Variants in HEATR1 observed in about 807,000 individuals in gnomAD.
The protein encoded by HEATR1 is HEAT repeat containing 1.
HEATR1 carries 77 observed loss-of-function variants against 248.2 expected under a neutral mutation model. The ratio of observed to expected loss-of-function variants is 0.31; its 90% CI spans 0.26 to 0.37. The LOEUF is 0.37. Among genes scored for constraint, HEATR1 ranks in the 10% least tolerant of loss-of-function variants. The pLI, the probability that HEATR1 is intolerant of heterozygous loss-of-function variation, is 1.00. For synonymous variants in HEATR1, 897 were observed against 923.1 expected (o/e 0.97, Z 0.51); for missense variants, 2,420 against 2,504.9 (o/e 0.97, Z 0.72).
At chr1:236,570,632 TG>T (rs1442899876) in intron 28 of HEATR1, among the ~76,000 whole-genome samples, 1 of 152,176 alleles carries the variant, frequency 6.6e-6, no homozygotes, top group Non-Finnish European at 1.5e-5. Flanking sequence ...ATACTTTAAA[TG>T]GGTGAATTTT....
At position 236,590,835 on chromosome 1, in the gene HEATR1, T is replaced by C; in HGVS notation, c.1530+12A>G. 7.1e-7 allele frequency: 1 copy of C among 1,405,270 alleles called. No individual in the cohort carries two copies. 87.1% of individuals were successfully genotyped at this position (1,405,270 alleles called of 1,614,324 possible). A position where few individuals can be genotyped will look rare whatever the true frequency, so the allele number is the denominator to read the frequency against. On this transcript the variant is annotated intron_variant, in intron 12 of 44. Transcript: ENST00000366582. ...AAAAAAAAACCATATAAAAAAGCGA[T>C]CTGAAACAAACCTTTGATGTTTTCA...
At chr1:236,570,745 A>T (rs183422163) in intron 28 of HEATR1, among the ~76,000 whole-genome samples, 34 of 152,246 alleles carry the variant, frequency 2.2e-4, no homozygotes, top group African/African-American at 6.7e-4. Flanking sequence ...CTCTCTTACA[A>T]GAAAAAAAGA....
chr1:236,572,713 T>C lies in HEATR1; in HGVS notation c.3563+12A>G, dbSNP rs1161121021. ...AACAACAGCATGTGCTCAATGCATT[T>C]GTAGCTCTTACTTCTGCTGCATTTT... On this transcript the variant is annotated intron_variant, in intron 25 of 44. Transcript: ENST00000366582. 1.2e-6 allele frequency: 2 copies of C among 1,611,986 alleles called. No individual in the cohort carries two copies. Among genetic ancestry groups the C allele is most frequent in the South Asian group, 1.1e-5 (1 of 91,022 alleles).
intron 3 of HEATR1, among the ~76,000 whole-genome samples, chr1:236,601,303 G>A (rs77981511): frequency 6.6e-6 from 1 of 151,140 alleles, no homozygotes; most frequent in Non-Finnish European, 1.5e-5. Flanking sequence ...CTGGAGTGCA[G>A]TGGCGTGATC....
chr1:236,594,186 T>C (rs1412787520), intron 8 of HEATR1, 72 bp from the exon 9 acceptor site: 15 of 972,148 alleles, frequency 1.5e-5, no homozygotes, highest in Admixed American at 6.9e-5. Flanking sequence ...AATTCACTTA[T>C]AGCAGAAAAT....
At chr1:236,555,255 C>A in intron 41 of HEATR1, 41 bp downstream of exon 41, 1 of 1,599,858 alleles carries the variant, frequency 6.3e-7, no homozygotes. Flanking sequence ...GTATAAGGCA[C>A]ACAGGGCAAG....
Position 236,585,848 on chromosome 1 carries a change from A to G in HEATR1, c.2021T>C (p.Leu674Ser). 3 of 1,612,942 alleles carry G rather than the reference A, an allele frequency of 1.9e-6. No homozygotes were observed. The highest frequency in any genetic ancestry group is 2.5e-6 in the Non-Finnish European group (3 of 1,179,104). Residue 674 changes from leucine (L) to serine (S), a missense_variant, in exon 16 of 45, where the codon TTA (leucine) becomes TCA (serine). By Grantham distance (145) the Leu-to-Ser change is moderately radical (BLOSUM62 -2). Coordinates refer to ENST00000366582, the MANE Select transcript of HEATR1 (RefSeq NM_018072.6). The part of the protein sequence containing the change: ...MIELLADNIN[L>S]GDPSSMLKMV... Reference sequence around the variant, plus strand: ...CTTTAACATTGAAGAAGGATCTCCTAAATTTATATTATCAGCCAACAACTC... The same window carrying G: ...CTTTAACATTGAAGAAGGATCTCCTGAATTTATATTATCAGCCAACAACTC...
At chr1:236,572,852 T>C in intron 24 of HEATR1, 24 bp from the exon 25 acceptor site, 2 of 1,578,380 alleles carry the variant, frequency 1.3e-6, no homozygotes, top group Non-Finnish European at 1.7e-6. Context: ...GGAAGAAGAG[T>C]TGATGATATA....
rs1196551815 is a variant in HEATR1 at position 236,581,275 on chromosome 1, A to G, written c.2702T>C (p.Leu901Pro). The change falls in exon 20 of 45, where the codon CTT becomes CCT. Residue 901 changes from leucine to proline, a missense_variant. Transcript: ENST00000366582. ...TTTACACTGTGTCTTCTGAGAAGAA[A>G]GCATTGCACAGCCCACATAAAGAGC... Reference protein sequence around the residue: ...TQALYVGCAMLSSQKTQCKHQ... With the variant: ...TQALYVGCAMPSSQKTQCKHQ... The G allele has an allele frequency of 1.1e-5, 18 of 1,613,898 alleles. No homozygotes were observed. The highest frequency in any genetic ancestry group is 1.7e-5 in the Admixed American group (1 of 59,970).
rs765950856 is a variant in HEATR1, at chr1:236,594,068, T to A, written c.1137A>T (p.Leu379Phe). The change falls in exon 9 of 45, where the codon TTA (leucine) becomes TTT (phenylalanine). Residue 379 changes from leucine (L) to phenylalanine (F), a missense_variant. Coordinates refer to ENST00000366582, the MANE Select transcript of HEATR1 (RefSeq NM_018072.6). ...GTGATATTTTTGTAAGTATAGCTTC[T>A]AAGTGTCTCTTGTAGATTTGACCAT... ...GMDGQIYKRH[L>F]EAILTKISLK... is the part of the protein sequence containing the mutation. The A allele has an allele frequency of 6.2e-7, 1 of 1,602,274 alleles. No individual in the cohort carries two copies. Among genetic ancestry groups the A allele is most frequent in the East Asian group, 2.3e-5 (1 of 43,984 alleles).
Position 236,603,298 on chromosome 1 carries a change from G to C in HEATR1, c.221C>G (p.Ala74Gly). The C allele has an allele frequency of 6.2e-7, 1 of 1,614,144 alleles. No individual in the cohort carries two copies. Among genetic ancestry groups the C allele is most frequent in the Non-Finnish European group, 8.5e-7 (1 of 1,179,998 alleles). ...CTGAACACTTCGCTCCAAGGTTTTT[G>C]CTAGCTGACTGAACAACGGTGCTTC... is the stretch of plus-strand genomic sequence containing the variant. ...QFEAPLFSQLAKTLERSVQTK... is the reference protein window; with the variant it reads ...QFEAPLFSQLGKTLERSVQTK... The change falls in exon 3 of 45, where the codon GCA becomes GGA. Residue 74 changes from alanine to glycine, a missense_variant. Ala to Gly is a moderately conservative substitution (Grantham distance 60). Transcript: ENST00000366582.
intron 12 of HEATR1, among the ~76,000 whole-genome samples, chr1:236,590,037 A>G (rs894207988): frequency 6.6e-6 from 1 of 152,232 alleles, no homozygotes; most frequent in Non-Finnish European, 1.5e-5. Flanking sequence ...CTTCATACCA[A>G]TGCCTTTTGG....
intron 13 of HEATR1, 38 bp from the exon 14 acceptor site, chr1:236,587,528 G>T: frequency 9.9e-7 from 1 of 1,011,724 alleles, no homozygotes; most frequent in Non-Finnish European, 1.4e-6. Context: ...ATTTGTACTT[G>T]CTTCAAACAT....
intron 33 of HEATR1, 93 bp from the exon 34 acceptor site, chr1:236,559,930 G>C (rs1021881337): frequency 6.9e-6 from 9 of 1,308,088 alleles, no homozygotes; most frequent in Non-Finnish European, 9.3e-6. Context: ...CAAGTAGAAA[G>C]ACGAGTTAAA....
chr1:236,551,624 T>G (rs1375127003), intron 44 of HEATR1: 1 of 172,874 alleles, frequency 5.8e-6, no homozygotes, highest in Non-Finnish European at 1.2e-5. Flanking sequence ...ACTGCATCCT[T>G]AATGCCACTA....
intron 14 of HEATR1, 38 bp from the exon 15 acceptor site, chr1:236,586,490 T>C (rs373561921): frequency 4.9e-5 from 72 of 1,465,724 alleles, no homozygotes; most frequent in Non-Finnish European, 6.4e-5. Context: ...GAAAGACACA[T>C]TGGAAGGCTT....
At chr1:236,598,024 T>C (rs1572054712) in intron 4 of HEATR1, 45 bp from the exon 5 acceptor site, 1 of 1,231,384 alleles carries the variant, frequency 8.1e-7, no homozygotes, top group Non-Finnish European at 1.2e-6. Flanking sequence ...ATTCATCAAC[T>C]GATCCTTATT....
rs1662970466 is a variant in HEATR1 at position 236,556,187 on chromosome 1, A to G, written c.5427T>C (p.Leu1809=). The G allele has an allele frequency of 6.2e-7, 1 of 1,613,918 alleles. No homozygotes were observed. The highest frequency in any genetic ancestry group is 1.3e-5 in the African/African-American group (1 of 74,876). ...CAAGTGTGGTAGCCAGTGTCTTTTT[A>G]AGAGATGTGAGACGGATATTAGCCT... ...ASQANIRLTS[L]KKTLATTLAP... Residue 1809 remains leucine, a synonymous_variant, in exon 38 of 45, where the codon CTT becomes CTC. Coordinates refer to ENST00000366582, the MANE Select transcript of HEATR1 (RefSeq NM_018072.6).
intron 20 of HEATR1, among the ~76,000 whole-genome samples, chr1:236,580,032 G>T (rs561925875): frequency 6.6e-6 from 1 of 151,734 alleles, no homozygotes; most frequent in Admixed American, 6.6e-5. Flanking sequence ...ACAGTTTGAA[G>T]CATTAATCAT....
Sources: gnomAD v4.1 joint callset for allele counts (sites outside exome capture counted in the v4.1 genomes callset) on GRCh38, gnomAD v4.1.1 for gene constraint, MANE v1.5 for transcripts, NCBI Gene and HGNC (gene_info 2026-07-23, HGNC 2026-07-21) for gene names.